PRXL2A: variants seen among roughly 807,000 people sequenced by gnomAD.
The protein encoded by PRXL2A is peroxiredoxin like 2A.
Under a neutral mutation model 25.6 loss-of-function variants are expected in PRXL2A, and 26 were observed. The observed-to-expected ratio is 1.02, with a 90% CI of 0.74 to 1.41. The LOEUF (loss-of-function observed/expected upper bound fraction) is 1.41. PRXL2A is among the 40% of genes most tolerant of loss of function. The pLI, the probability that PRXL2A is intolerant of heterozygous loss-of-function variation, is 0.00. For synonymous variants in PRXL2A, 98 were observed against 102.9 expected, an observed-to-expected ratio of 0.95 and a Z score of 0.29; for missense variants, 246 against 273.9, an observed-to-expected ratio of 0.90 and a Z score of 0.72.
In PRXL2A at chr10:80,427,404, T is replaced by A; in HGVS notation, c.484T>A (p.Phe162Ile). 6.2e-7 allele frequency: 1 copy of A among 1,614,138 alleles called. No homozygotes were observed. The highest frequency in any genetic ancestry group is 1.3e-5 in the African/African-American group (1 of 75,030). ...TATCCGTCTGGGAGTGTGGTACAAC[T>A]TCTTCCGAGCCTGGAACGGAGGCTT... The part of the protein sequence containing the change: ...GFIRLGVWYN[F>I]FRAWNGGFSG... Residue 162 changes from phenylalanine to isoleucine, a missense_variant, in exon 5 of 6, where the codon TTC becomes ATC. Physicochemically the swap from Phe to Ile is conservative, Grantham distance 21 (BLOSUM62 0). Transcript: ENST00000606162.
At chr10:80,420,946 A>G (rs1445834256) in intron 2 of PRXL2A, among the ~76,000 whole-genome samples, 1 of 152,206 alleles carries the variant, frequency 6.6e-6, no homozygotes, top group African/African-American at 2.4e-5. Context: ...CTCTGTAATT[A>G]TAATGATAAA....
rs1844830174 is a variant in PRXL2A at position 80,420,587 on chromosome 10, G to T, written c.120G>T (p.Lys40Asn). 1.2e-6 allele frequency: 2 copies of T among 1,613,758 alleles called. No individual in the cohort carries two copies. ...LLANTDVFLS[K>N]PQKAALEYLE... is the part of the protein sequence containing the mutation. Reference sequence around the variant, plus strand: ...CCAACACAGACGTGTTTCTGTCCAAGCCCCAGAAAGCGGCCCTGGAGTACC... The same window carrying T: ...CCAACACAGACGTGTTTCTGTCCAATCCCCAGAAAGCGGCCCTGGAGTACC... Residue 40 changes from lysine to asparagine, a missense_variant, in exon 2 of 6, where the codon AAG becomes AAT. By Grantham distance (94) the Lys-to-Asn change is moderately conservative (BLOSUM62 0). Transcript: ENST00000606162.
Position 80,432,154 on chromosome 10 carries a change from G to A in PRXL2A, c.*55G>A. On this transcript the variant is annotated 3_prime_UTR_variant, in exon 6 of 6. Transcript: ENST00000606162. Reference sequence around the variant, plus strand: ...CCAGGGACATTCACCTGTGTTCATGGGATGTATTGTTTCCACTCGTGTCCC... The same window carrying A: ...CCAGGGACATTCACCTGTGTTCATGAGATGTATTGTTTCCACTCGTGTCCC... 1 of 1,067,802 alleles carries A rather than the reference G, an allele frequency of 9.4e-7. No individual in the cohort carries two copies. Among genetic ancestry groups the A allele is most frequent in the Non-Finnish European group, 1.4e-6 (1 of 703,746 alleles). The allele number at this position is 1,067,802 out of a possible 1,614,324, so 66.1% of individuals were successfully genotyped here.
At chr10:80,424,302 C>T (rs1340729494) in intron 3 of PRXL2A, among the ~76,000 whole-genome samples, 3 of 145,964 alleles carry the variant, frequency 2.1e-5, no homozygotes, top group Non-Finnish European at 3.0e-5. Context: ...GGTGCAGTGG[C>T]TCATGCCTAT....
At chr10:80,431,763 C>T (rs977787572) in intron 5 of PRXL2A, among the ~76,000 whole-genome samples, 5 of 152,170 alleles carry the variant, frequency 3.3e-5, no homozygotes, top group African/African-American at 7.2e-5. Context: ...TCACTTCTGA[C>T]TTCCTGCTTC....
Position 80,431,342 on chromosome 10 carries a change from T to G in PRXL2A, c.577-644T>G, listed in dbSNP as rs1589216782. Among the ~76,000 whole-genome samples the G allele has an allele frequency of 2.0e-5, 3 of 152,126 alleles. No individual in the cohort carries two copies. The South Asian group carries it at 6.2e-4, about 32-fold the overall frequency. On this transcript the variant is annotated intron_variant, in intron 5 of 5. Coordinates refer to ENST00000606162, the MANE Select transcript of PRXL2A (RefSeq NM_032333.5). ...AATAATGACACAGTGTATTTACAGA[T>G]TTTCTTTTTAAGATGAGTTTCCAGA...
intron 1 of PRXL2A, among the ~76,000 whole-genome samples, chr10:80,410,781 A>G (rs933482961): frequency 6.6e-6 from 1 of 152,146 alleles, no homozygotes; most frequent in African/African-American, 2.4e-5. Context: ...ATCCACACCC[A>G]TATAACTTGA....
upstream of PRXL2A, among the ~76,000 whole-genome samples, chr10:80,408,324 G>T (rs1310536773): frequency 1.3e-5 from 2 of 152,326 alleles, no homozygotes; most frequent in Non-Finnish European, 2.9e-5. Context: ...TGAAGAACGC[G>T]TCGGGGCCTC....
rs77993680 is a variant in PRXL2A, at chr10:80,436,994, A to C, written c.*4895A>C. The stretch of plus-strand genomic sequence containing the variant: ...TTCTTGTCCAATCATATTTCTACAC[A>C]GTCCATAATCTGTTGAACCTAAACA... On this transcript the variant is annotated 3_prime_UTR_variant, in exon 6 of 6. Coordinates refer to ENST00000606162, the MANE Select transcript of PRXL2A (RefSeq NM_032333.5). 5,017 of 152,366 alleles carry C rather than the reference A, an allele frequency of 0.033. 86 individuals are homozygous for C. Among genetic ancestry groups the C allele is most frequent in the African/African-American group, 0.042 (1,767 of 41,578 alleles). The allele number at this position is 152,366 out of a possible 1,614,324, so 9.4% of individuals were successfully genotyped here. A position where few individuals can be genotyped will look rare whatever the true frequency, so the allele number is the denominator to read the frequency against.
In PRXL2A at chr10:80,413,638, A is replaced by G. The variant is rs7893148; in HGVS notation, c.-3+4995A>G. Among the ~76,000 whole-genome samples, 722 of 152,316 alleles carry G rather than the reference A, an allele frequency of 4.7e-3. 9 individuals are homozygous for G. The highest frequency in any genetic ancestry group is 0.014 in the African/African-American group (598 of 41,548). On this transcript the variant is annotated intron_variant, in intron 1 of 5. Transcript: ENST00000606162. ...TGCAAATGACTCAAAGCTTTGCTCA[A>G]CTTTTTGAAGGGCTAGGGGGCCTTG...
intron 5 of PRXL2A, among the ~76,000 whole-genome samples, chr10:80,430,049 T>C (rs1214766483): frequency 6.6e-6 from 1 of 151,912 alleles, no homozygotes; most frequent in Non-Finnish European, 1.5e-5. Context: ...TTGTTGGGTG[T>C]AGAGTTTTTG....
At chr10:80,421,668 A>G (rs1844869991) in intron 2 of PRXL2A, among the ~76,000 whole-genome samples, 1 of 151,150 alleles carries the variant, frequency 6.6e-6, no homozygotes, top group East Asian at 1.9e-4. Context: ...TTTTTTCCAC[A>G]TAACATCTAC....
Position 80,434,931 on chromosome 10 carries a change from G to C in PRXL2A, c.*2832G>C, listed in dbSNP as rs1329217584. 6.6e-6 allele frequency: 1 copy of C among 152,206 alleles called. No individual in the cohort carries two copies. The highest frequency in any genetic ancestry group is 6.5e-5 in the Admixed American group (1 of 15,280). The allele number at this position is 152,206 out of a possible 1,614,324, so 9.4% of individuals were successfully genotyped here. A position where few individuals can be genotyped will look rare whatever the true frequency, so the allele number is the denominator to read the frequency against. ...AAGTATGTCCTCTAAGAAGAGGGAG[G>C]GACTGGGTGCCATGGCTCATGCCTA... On this transcript the variant is annotated 3_prime_UTR_variant, in exon 6 of 6. Transcript: ENST00000606162.
chr10:80,415,304 A>G (rs1844623453), intron 1 of PRXL2A, among the ~76,000 whole-genome samples: 3 of 152,242 alleles, frequency 2.0e-5, no homozygotes, highest in African/African-American at 4.8e-5. Flanking sequence ...GTCAGAAGAC[A>G]GCACTTATGG....
chr10:80,409,944 G>C (rs1844422154), intron 1 of PRXL2A, among the ~76,000 whole-genome samples: 2 of 152,140 alleles, frequency 1.3e-5, no homozygotes, highest in South Asian at 4.1e-4. Flanking sequence ...TATTATTCTT[G>C]GTGTGGGCCT....
At position 80,434,967 on chromosome 10, in the gene PRXL2A, A is replaced by G. The variant is rs751588981; in HGVS notation, c.*2868A>G. 6.6e-6 allele frequency: 1 copy of G among 152,294 alleles called. No individual in the cohort carries two copies. The highest frequency in any genetic ancestry group is 2.4e-5 in the African/African-American group (1 of 41,476). 9.4% of individuals were successfully genotyped at this position (152,294 alleles called of 1,614,324 possible). On this transcript the variant is annotated 3_prime_UTR_variant, in exon 6 of 6. Transcript: ENST00000606162. ...CATGGCTCATGCCTATAATCCCAGC[A>G]CTTTGGGTGGCCAAGGTGGGTGCAT...
intron 1 of PRXL2A, among the ~76,000 whole-genome samples, chr10:80,408,846 A>G (rs1844357897): frequency 6.6e-6 from 1 of 152,062 alleles, no homozygotes; most frequent in African/African-American, 2.4e-5. Context: ...CCCTTCCGCC[A>G]CCCTGCGTGG....
intron 5 of PRXL2A, among the ~76,000 whole-genome samples, chr10:80,430,515 A>G (rs1338761426): frequency 6.6e-6 from 1 of 152,190 alleles, no homozygotes; most frequent in Non-Finnish European, 1.5e-5. Flanking sequence ...GCGTGGTGAC[A>G]TGCACCTGTA....
rs1253470154 is a variant in PRXL2A at position 80,420,766 on chromosome 10, AATTT to A, written c.178+123_178+126del. The A allele has an allele frequency of 4.1e-6, 3 of 727,840 alleles. No homozygotes were observed. The African/African-American group carries it at 5.5e-5, about 13-fold the overall frequency. The allele number at this position is 727,840 out of a possible 1,614,324, so 45.1% of individuals were successfully genotyped here. A position where few individuals can be genotyped will look rare whatever the true frequency, so the allele number is the denominator to read the frequency against. On this transcript the variant is annotated intron_variant, in intron 2 of 5. Transcript: ENST00000606162. ...AAGATAATATAACAACATTAGGAAA[AATTT>A]AATAACAATTTTTAAACTAGGAATA...
Sources: gnomAD v4.1 joint callset for allele counts (sites outside exome capture counted in the v4.1 genomes callset) on GRCh38, gnomAD v4.1.1 for gene constraint, MANE v1.5 for transcripts, NCBI Gene and HGNC (gene_info 2026-07-23, HGNC 2026-07-21) for gene names.